Variants in DPYD observed in about 807,000 individuals in gnomAD.
DPYD encodes dihydropyrimidine dehydrogenase.
DPYD carries 109 observed loss-of-function variants against 116.2 expected under a neutral mutation model. That is an observed-to-expected ratio of 0.94 (90% CI 0.80 to 1.10). The LOEUF is 1.10. Ranked by LOEUF, DPYD falls within the 50% of genes least tolerant of loss-of-function variation. DPYD has a pLI of 0.00. For synonymous variants in DPYD, 440 were observed against 432.0 expected (o/e 1.02, Z -0.23); for missense variants, 1,302 against 1,254.5 (o/e 1.04, Z -0.57).
intron 16 of DPYD, among the ~76,000 whole-genome samples, chr1:97,342,414 G>A (rs1261658110): frequency 6.6e-6 from 1 of 152,028 alleles, no homozygotes; most frequent in Non-Finnish European, 1.5e-5. Flanking sequence ...ATTATTATAA[G>A]GATAAAAATT....
At chr1:97,358,620 G>A (rs137960769) in intron 16 of DPYD, among the ~76,000 whole-genome samples, 39 of 152,154 alleles carry the variant, frequency 2.6e-4, no homozygotes, top group African/African-American at 7.0e-4. Context: ...GGATCAGGTC[G>A]CAATATTTGC....
intron 12 of DPYD, among the ~76,000 whole-genome samples, chr1:97,525,562 C>A (rs1035753063): frequency 6.6e-6 from 1 of 152,080 alleles, no homozygotes; most frequent in Non-Finnish European, 1.5e-5. Context: ...TACTTAGTGT[C>A]TTTTTCAAAT....
intron 8 of DPYD, among the ~76,000 whole-genome samples, chr1:97,666,310 C>A (rs1298074360): frequency 6.6e-6 from 1 of 151,950 alleles, no homozygotes; most frequent in Non-Finnish European, 1.5e-5. Context: ...ATAGGTACAT[C>A]CCACTCTGCA....
chr1:97,611,526 G>A (rs1655949758), intron 8 of DPYD, among the ~76,000 whole-genome samples: 1 of 151,842 alleles, frequency 6.6e-6, no homozygotes, highest in South Asian at 2.1e-4. Flanking sequence ...GAGGTTACAG[G>A]GGCAATCCAT....
At chr1:97,535,914 T>C (rs1340748879) in intron 12 of DPYD, among the ~76,000 whole-genome samples, 1 of 152,198 alleles carries the variant, frequency 6.6e-6, no homozygotes, top group Non-Finnish European at 1.5e-5. Context: ...ATAATAATTA[T>C]TTAAAAATAT....
intron 14 of DPYD, among the ~76,000 whole-genome samples, chr1:97,409,281 C>G (rs1226588369): frequency 1.3e-5 from 2 of 152,062 alleles, no homozygotes; most frequent in Non-Finnish European, 2.9e-5. Flanking sequence ...GCTCTTTGCT[C>G]TCATTAACTA....
chr1:97,409,559 C>T (rs1003254685), intron 14 of DPYD, among the ~76,000 whole-genome samples: 1 of 152,186 alleles, frequency 6.6e-6, no homozygotes, highest in African/African-American at 2.4e-5. Flanking sequence ...TTTAAAAAGT[C>T]AAGGACTTGT....
intron 13 of DPYD, among the ~76,000 whole-genome samples, chr1:97,469,410 A>AAAAAAAAAAAAAAC (rs1677512137): frequency 1.0e-5 from 1 of 96,162 alleles, no homozygotes; most frequent in Non-Finnish European, 2.4e-5. Flanking sequence ...AAAAAAAAAA[A>AAAAAAAAAAAAAAC]AAAAAAAAAA....
intron 12 of DPYD, among the ~76,000 whole-genome samples, chr1:97,524,744 G>A (rs1351402701): frequency 6.6e-6 from 1 of 151,986 alleles, no homozygotes; most frequent in Non-Finnish European, 1.5e-5. Flanking sequence ...CCTTCTTGAT[G>A]GACACATTAC....
chr1:97,586,465 C>CAT (rs57301424), intron 10 of DPYD, among the ~76,000 whole-genome samples: 75 of 34,284 alleles, frequency 2.2e-3, no homozygotes, highest in South Asian at 2.9e-3. Context: ...TACATACATA[C>CAT]ATATATATAT....
intron 19 of DPYD, among the ~76,000 whole-genome samples, chr1:97,206,670 AT>A (rs1557938199): frequency 0.013 from 1,420 of 109,674 alleles, 93 homozygotes; most frequent in African/African-American, 0.042. Flanking sequence ...ATATATATAT[AT>A]ATATATATAT....
At chr1:97,592,632 G>T (rs1259639395) in intron 10 of DPYD, among the ~76,000 whole-genome samples, 1 of 152,224 alleles carries the variant, frequency 6.6e-6, no homozygotes, top group Non-Finnish European at 1.5e-5. Flanking sequence ...CTCCCAAAGT[G>T]CTGGGATTAC....
At chr1:97,458,314 G>A (rs1397604265) in intron 13 of DPYD, among the ~76,000 whole-genome samples, 1 of 152,110 alleles carries the variant, frequency 6.6e-6, no homozygotes, top group Non-Finnish European at 1.5e-5. Flanking sequence ...AAAGAGTCAA[G>A]AGAGGAGTTT....
At position 97,327,877 on chromosome 1, in the gene DPYD, G is replaced by T. The variant is rs182104724; in HGVS notation, c.2059-21580C>A. Among the ~76,000 whole-genome samples the T allele has an allele frequency of 1.4e-4, 21 of 152,074 alleles. No individual in the cohort carries two copies. The East Asian group carries it at 4.1e-3, about 29-fold the overall frequency. On this transcript the variant is annotated intron_variant, in intron 16 of 22. Coordinates refer to ENST00000370192, the MANE Select transcript of DPYD (RefSeq NM_000110.4). The stretch of plus-strand genomic sequence containing the variant: ...TACATTGCCTTGCTTTTGATGCTAC[G>T]TGCTGTGTTCATAGGCAAAACTGAT...
intron 14 of DPYD, among the ~76,000 whole-genome samples, chr1:97,416,200 T>C (rs1365043148): frequency 6.6e-6 from 1 of 152,214 alleles, no homozygotes; most frequent in Admixed American, 6.5e-5. Flanking sequence ...AAAAGGGCAA[T>C]CTAATTCCTT....
At chr1:97,462,060 G>T (rs1677064965) in intron 13 of DPYD, among the ~76,000 whole-genome samples, 1 of 152,068 alleles carries the variant, frequency 6.6e-6, no homozygotes, top group South Asian at 2.1e-4. Context: ...GATCCATATG[G>T]CCCTCACAGG....
At chr1:97,165,673 T>G (rs1357330337) in intron 20 of DPYD, among the ~76,000 whole-genome samples, 1 of 152,120 alleles carries the variant, frequency 6.6e-6, no homozygotes, top group African/African-American at 2.4e-5. Flanking sequence ...AAACTATGTA[T>G]CGAACAAAGA....
intron 8 of DPYD, among the ~76,000 whole-genome samples, chr1:97,641,786 A>G (rs1045354673): frequency 1.3e-5 from 2 of 152,172 alleles, no homozygotes; most frequent in Admixed American, 6.5e-5. Flanking sequence ...AGGGTATTCA[A>G]TTAGGAAAAG....
intron 16 of DPYD, among the ~76,000 whole-genome samples, chr1:97,318,512 A>G (rs559111709): frequency 2.7e-4 from 41 of 152,116 alleles, no homozygotes; most frequent in Non-Finnish European, 5.9e-4. Flanking sequence ...AAAGGGATCA[A>G]TTCAACAAGA....
Sources: gnomAD v4.1 joint callset for allele counts (sites outside exome capture counted in the v4.1 genomes callset) on GRCh38, gnomAD v4.1.1 for gene constraint, MANE v1.5 for transcripts, NCBI Gene and HGNC (gene_info 2026-07-23, HGNC 2026-07-21) for gene names.